Variants in FBXL7 observed in about 807,000 individuals in gnomAD.
FBXL7 encodes the protein F-box and leucine rich repeat protein 7, also known as F-box/LRR-repeat protein 7.
FBXL7 carries 12 observed loss-of-function variants against 38.3 expected under a neutral mutation model. That is an observed-to-expected ratio of 0.31 (90% CI 0.20 to 0.51). FBXL7 has a LOEUF of 0.51. FBXL7 is among the 20% of genes least tolerant of loss of function. FBXL7 has a pLI of 0.98. For missense variants in FBXL7, 567 were observed against 676.4 expected (o/e 0.84, Z 1.79); for synonymous variants, 297 against 300.9 (o/e 0.99, Z 0.13).
At chr5:15,502,721 C>G (rs909294658) in intron 1 of FBXL7, among the ~76,000 whole-genome samples, 1 of 152,158 alleles carries the variant, frequency 6.6e-6, no homozygotes, top group African/African-American at 2.4e-5. Context: ...TGTGGCTCCT[C>G]CCAAATAGGG....
chr5:15,881,259 G>A (rs1000157312), intron 2 of FBXL7, among the ~76,000 whole-genome samples: 4 of 152,106 alleles, frequency 2.6e-5, no homozygotes, highest in Admixed American at 1.3e-4. Context: ...TCCCACATAT[G>A]AGTGAGAATA....
intron 2 of FBXL7, among the ~76,000 whole-genome samples, chr5:15,921,169 G>A (rs1168889547): frequency 1.3e-5 from 2 of 152,058 alleles, no homozygotes; most frequent in African/African-American, 2.4e-5. Context: ...ATCACTTAAG[G>A]TCAGGAGTTC....
Position 15,524,412 on chromosome 5 carries a change from C to T in FBXL7, c.37+23699C>T, listed in dbSNP as rs1164397250. ...ATAAACAGACCTCTTCCAAGGAAAC[C>T]TAAGACATTCATTTCCAATTAGTGG... is the stretch of plus-strand genomic sequence containing the variant. On this transcript the variant is annotated intron_variant, in intron 1 of 3. Coordinates refer to ENST00000504595, the MANE Select transcript of FBXL7 (RefSeq NM_012304.5). Among the ~76,000 whole-genome samples the T allele has an allele frequency of 2.0e-5, 3 of 152,184 alleles. No homozygotes were observed. In the South Asian group the frequency reaches 6.2e-4, roughly 32 times the overall value.
At chr5:15,732,161 T>A (rs2126664394) in intron 2 of FBXL7, among the ~76,000 whole-genome samples, 1 of 152,352 alleles carries the variant, frequency 6.6e-6, no homozygotes, top group South Asian at 2.1e-4. Flanking sequence ...GTTAACCAAA[T>A]AGCTCTTATG....
Position 15,927,992 on chromosome 5 carries a change from C to T in FBXL7, c.230C>T (p.Ser77Leu), listed in dbSNP as rs777670660. 2 of 1,599,866 alleles carry T rather than the reference C, an allele frequency of 1.3e-6. No individual in the cohort carries two copies. The highest frequency in any genetic ancestry group is 1.7e-6 in the Non-Finnish European group (2 of 1,171,574). ...AATGGAAGGGGCTCGTCCACCTCCTCGTCCTCCATCACCGGGGAGACGGTG... is the reference window on the plus strand; with the variant it reads ...AATGGAAGGGGCTCGTCCACCTCCTTGTCCTCCATCACCGGGGAGACGGTG... Reference protein sequence around the residue: ...FQNGRGSSTSSSSITGETVAM... With the variant: ...FQNGRGSSTSLSSITGETVAM... The change falls in exon 3 of 4, where the codon TCG becomes TTG. Residue 77 changes from serine to leucine, a missense_variant. Coordinates refer to ENST00000504595, the MANE Select transcript of FBXL7 (RefSeq NM_012304.5).
At chr5:15,723,624 A>C (rs946761432) in intron 2 of FBXL7, among the ~76,000 whole-genome samples, 1 of 152,212 alleles carries the variant, frequency 6.6e-6, no homozygotes, top group Non-Finnish European at 1.5e-5. Context: ...CAGCCTCAAG[A>C]ACATGGATTT....
At chr5:15,507,698 C>T (rs1736683464) in intron 1 of FBXL7, among the ~76,000 whole-genome samples, 1 of 152,082 alleles carries the variant, frequency 6.6e-6, no homozygotes, top group Admixed American at 6.6e-5. Context: ...AGTTTAGATA[C>T]TTATATACAG....
chr5:15,581,517 C>T (rs977510168), intron 1 of FBXL7, among the ~76,000 whole-genome samples: 3 of 152,124 alleles, frequency 2.0e-5, no homozygotes, highest in Admixed American at 6.5e-5. Context: ...AGAAAACAGC[C>T]GTTAGGGTCA....
At chr5:15,537,240 G>A (rs373588960) in intron 1 of FBXL7, among the ~76,000 whole-genome samples, 8 of 152,114 alleles carry the variant, frequency 5.3e-5, no homozygotes, top group African/African-American at 1.4e-4. Context: ...TTTTTATTTT[G>A]TGTTTTCCTA....
intron 2 of FBXL7, among the ~76,000 whole-genome samples, chr5:15,695,992 C>T (rs923069002): frequency 2.0e-5 from 3 of 152,184 alleles, no homozygotes; most frequent in Non-Finnish European, 2.9e-5. Context: ...TCAAAAAATT[C>T]GTATCTTCGC....
chr5:15,933,020 G>A (rs1742081988), intron 3 of FBXL7, among the ~76,000 whole-genome samples: 1 of 151,890 alleles, frequency 6.6e-6, no homozygotes, highest in Admixed American at 6.6e-5. Context: ...CTGAGCCTGC[G>A]ATGCTTCATC....
intron 2 of FBXL7, among the ~76,000 whole-genome samples, chr5:15,623,465 T>A (rs191532523): frequency 6.6e-6 from 1 of 152,320 alleles, no homozygotes; most frequent in East Asian, 1.9e-4. Context: ...ATGGTGATAT[T>A]TGTTCCATGG....
chr5:15,559,717 G>A (rs1223512847), intron 1 of FBXL7, among the ~76,000 whole-genome samples: 1 of 152,234 alleles, frequency 6.6e-6, no homozygotes, highest in African/African-American at 2.4e-5. Flanking sequence ...ACAAAGATTA[G>A]TGGAGTTAGG....
At chr5:15,595,747 G>A (rs746398955) in intron 1 of FBXL7, among the ~76,000 whole-genome samples, 1 of 152,252 alleles carries the variant, frequency 6.6e-6, no homozygotes, top group East Asian at 1.9e-4. Flanking sequence ...GATGTAAATC[G>A]AAGTGCATTG....
intron 2 of FBXL7, among the ~76,000 whole-genome samples, chr5:15,647,279 T>TAA (rs1741562733): frequency 6.6e-6 from 1 of 152,270 alleles, no homozygotes; most frequent in Non-Finnish European, 1.5e-5. Context: ...ACATTTCTAA[T>TAA]GTGGTAAGTA....
chr5:15,749,014 T>TG (rs1736085487), intron 2 of FBXL7, among the ~76,000 whole-genome samples: 1 of 150,926 alleles, frequency 6.6e-6, no homozygotes, highest in Non-Finnish European at 1.5e-5. Flanking sequence ...GGAGGCTGAG[T>TG]GGGGCAGATT....
At chr5:15,818,932 C>T (rs1368486381) in intron 2 of FBXL7, among the ~76,000 whole-genome samples, 1 of 152,036 alleles carries the variant, frequency 6.6e-6, no homozygotes, top group Non-Finnish European at 1.5e-5. Context: ...TTAAGCTTGC[C>T]TCTGAGCAAT....
intron 1 of FBXL7, among the ~76,000 whole-genome samples, chr5:15,570,837 A>G (rs893615418): frequency 1.3e-5 from 2 of 152,206 alleles, no homozygotes; most frequent in Non-Finnish European, 1.5e-5. Flanking sequence ...TCATGCCTGT[A>G]ATCCCAGCAC....
At chr5:15,673,083 A>T (rs2126600192) in intron 2 of FBXL7, among the ~76,000 whole-genome samples, 1 of 152,216 alleles carries the variant, frequency 6.6e-6, no homozygotes, top group South Asian at 2.1e-4. Context: ...TCCCAGGCCG[A>T]GGAAGGCTAA....
Sources: gnomAD v4.1 joint callset for allele counts (sites outside exome capture counted in the v4.1 genomes callset) on GRCh38, gnomAD v4.1.1 for gene constraint, MANE v1.5 for transcripts, NCBI Gene and HGNC (gene_info 2026-07-23, HGNC 2026-07-21) for gene names.